The following CCDC102B variants were observed in gnomAD, a reference collection of about 807,000 sequenced individuals.
The protein encoded by CCDC102B is coiled-coil domain-containing protein 102B.
Under a neutral mutation model 57.4 loss-of-function variants are expected in CCDC102B, and 75 were observed. The ratio of observed to expected loss-of-function variants is 1.31; its 90% CI spans 1.08 to 1.58. The LOEUF (loss-of-function observed/expected upper bound fraction) is 1.58. CCDC102B is among the 40% of genes most tolerant of loss of function. The probability of loss-of-function intolerance (pLI) is 0.00; values close to 1 mark genes in which losing one functional copy is unlikely to be tolerated. For synonymous variants in CCDC102B, 206 were observed against 201.9 expected (o/e 1.02, Z -0.17); for missense variants, 636 against 582.6 (o/e 1.09, Z -0.94).
At chr18:68,858,153 C>G (rs1016949760) in intron 4 of CCDC102B, among the ~76,000 whole-genome samples, 4 of 152,196 alleles carry the variant, frequency 2.6e-5, no homozygotes, top group African/African-American at 9.7e-5. Flanking sequence ...CAGGCAACAA[C>G]TGATCTATTT....
chr18:68,765,345 GAA>G (rs1369713575), intron 2 of CCDC102B, among the ~76,000 whole-genome samples: 1 of 119,466 alleles, frequency 8.4e-6, no homozygotes, highest in Non-Finnish European at 1.7e-5. Flanking sequence ...AAGAAAGAAA[GAA>G]AGAAAGAAAG....
At chr18:69,008,880 G>A (rs930165) in intron 6 of CCDC102B, among the ~76,000 whole-genome samples, 124,698 of 152,176 alleles carry the variant, frequency 0.82, 53,516 homozygotes, top group Non-Finnish European at 0.95. Flanking sequence ...CTCTCCATGT[G>A]AATATATAAA....
chr18:68,924,136 C>CA (rs67799652), intron 6 of CCDC102B, among the ~76,000 whole-genome samples: 3 of 148,982 alleles, frequency 2.0e-5, no homozygotes, highest in South Asian at 2.2e-4. Flanking sequence ...TCTTCCCCCC[C>CA]AAAACTTATC....
At chr18:68,865,501 A>T (rs186346189) in intron 4 of CCDC102B, among the ~76,000 whole-genome samples, 1 of 152,154 alleles carries the variant, frequency 6.6e-6, no homozygotes, top group Non-Finnish European at 1.5e-5. Flanking sequence ...TCACAGGAAT[A>T]GGTGTATATT....
intron 6 of CCDC102B, among the ~76,000 whole-genome samples, chr18:68,903,903 G>A (rs1278052357): frequency 2.6e-5 from 4 of 152,170 alleles, no homozygotes; most frequent in Non-Finnish European, 4.4e-5. Flanking sequence ...TAATGAATTT[G>A]CATTAATGAC....
At chr18:68,957,782 A>T (rs2049941153) in intron 6 of CCDC102B, among the ~76,000 whole-genome samples, 1 of 152,076 alleles carries the variant, frequency 6.6e-6, no homozygotes, top group Non-Finnish European at 1.5e-5. Context: ...GTATCCTATT[A>T]CTTTCATCAG....
chr18:68,716,453 C>G (rs889806137), intron 1 of CCDC102B: 1 of 152,140 alleles, frequency 6.6e-6, no homozygotes, highest in Non-Finnish European at 1.5e-5. Flanking sequence ...AGCCACTAAC[C>G]ACATGTGGCT....
At chr18:68,938,280 A>G (rs1390433057) in intron 6 of CCDC102B, among the ~76,000 whole-genome samples, 2 of 152,096 alleles carry the variant, frequency 1.3e-5, no homozygotes, top group South Asian at 2.1e-4. Flanking sequence ...AAGAGAACAT[A>G]TGATTATGAC....
At position 68,838,696 on chromosome 18, in the gene CCDC102B, T is replaced by C. The variant is rs1185543746; in HGVS notation, c.607-10T>C. ...AGGTTTAAATATGTTTTGTTTTGTT[T>C]TGTCTTCAGGAACAAGGTGTGGTTA... On this transcript the variant is annotated splice_polypyrimidine_tract_variant and intron_variant, in intron 2 of 7. Coordinates refer to ENST00000360242, the MANE Select transcript of CCDC102B (RefSeq NM_024781.3). The C allele has an allele frequency of 6.2e-7, 1 of 1,610,634 alleles. No individual in the cohort carries two copies. The highest frequency in any genetic ancestry group is 1.3e-5 in the African/African-American group (1 of 74,774).
chr18:68,879,771 G>A (rs1283584777), intron 5 of CCDC102B, among the ~76,000 whole-genome samples: 2 of 152,064 alleles, frequency 1.3e-5, no homozygotes, highest in South Asian at 2.1e-4. Context: ...ACAGAGTGTC[G>A]ATTGGTGCAT....
At chr18:68,769,269 AG>A (rs2034562336) in intron 2 of CCDC102B, among the ~76,000 whole-genome samples, 1 of 151,864 alleles carries the variant, frequency 6.6e-6, no homozygotes, top group Admixed American at 6.6e-5. Flanking sequence ...AAAAAAAAAA[AG>A]ATTGAATCGA....
Position 68,950,397 on chromosome 18 carries a change from C to A in CCDC102B, c.1263+52969C>A, listed in dbSNP as rs539963843. 5.5e-4 allele frequency among the ~76,000 whole-genome samples: 83 copies of A among 151,944 alleles called. No individual in the cohort carries two copies. In the South Asian group the frequency reaches 0.016, roughly 30 times the overall value. ...GAAACTGTAAAACTTCTACTTTATA[C>A]CCAGGAGATTTTATCTTAGTAATTT... On this transcript the variant is annotated intron_variant, in intron 6 of 7. Transcript: ENST00000360242.
intron 6 of CCDC102B, among the ~76,000 whole-genome samples, chr18:68,972,474 A>G (rs1267303343): frequency 6.6e-6 from 1 of 152,194 alleles, no homozygotes; most frequent in East Asian, 1.9e-4. Flanking sequence ...GCCTAACAGC[A>G]TTCTAGGTAA....
At position 68,777,831 on chromosome 18, in the gene CCDC102B, T is replaced by C. The variant is rs565381536; in HGVS notation, c.-66-45535T>C. ...AATATGTCAGATACAGTGATTGCAATTGTTTTTCAAGGGAGAGAAGAGATT... is the reference window on the plus strand; with the variant it reads ...AATATGTCAGATACAGTGATTGCAACTGTTTTTCAAGGGAGAGAAGAGATT... On this transcript the variant is annotated intron_variant, in intron 2 of 3. Coordinates refer to the CCDC102B transcript ENST00000578970. 1.8e-4 allele frequency among the ~76,000 whole-genome samples: 27 copies of C among 152,264 alleles called. No individual in the cohort carries two copies. In the South Asian group the frequency reaches 5.0e-3, roughly 28 times the overall value.
chr18:68,779,334 T>G (rs187940146), intron 2 of CCDC102B, among the ~76,000 whole-genome samples: 1 of 152,194 alleles, frequency 6.6e-6, no homozygotes, highest in East Asian at 1.9e-4. Context: ...GGGATTATAT[T>G]TTTTCCTTGT....
intron 3 of CCDC102B, among the ~76,000 whole-genome samples, chr18:68,841,494 C>T (rs1158508673): frequency 6.6e-6 from 1 of 152,072 alleles, no homozygotes; most frequent in Admixed American, 6.6e-5. Context: ...TGGAGTAAGG[C>T]CAGGAAAGCT....
At chr18:68,864,374 G>T (rs988382936) in intron 4 of CCDC102B, among the ~76,000 whole-genome samples, 2 of 151,946 alleles carry the variant, frequency 1.3e-5, no homozygotes, top group African/African-American at 4.8e-5. Context: ...AGATTTTTGT[G>T]TACAGTCAGC....
At chr18:68,978,586 C>T (rs986888332) in intron 6 of CCDC102B, among the ~76,000 whole-genome samples, 3 of 151,934 alleles carry the variant, frequency 2.0e-5, no homozygotes, top group Non-Finnish European at 2.9e-5. Flanking sequence ...AGGAAACAAT[C>T]GTAAACATAA....
intron 2 of CCDC102B, among the ~76,000 whole-genome samples, chr18:68,746,855 G>T (rs1183493552): frequency 6.6e-6 from 1 of 151,600 alleles, no homozygotes; most frequent in Non-Finnish European, 1.5e-5. Flanking sequence ...TCATTACCAC[G>T]ATCAAGGTAA....
Sources: gnomAD v4.1 joint callset for allele counts (sites outside exome capture counted in the v4.1 genomes callset) on GRCh38, gnomAD v4.1.1 for gene constraint, MANE v1.5 for transcripts, NCBI Gene and HGNC (gene_info 2026-07-23, HGNC 2026-07-21) for gene names.